The following AKAP6 variants were observed in gnomAD, a reference collection of about 807,000 sequenced individuals.
AKAP6 encodes the protein A-kinase anchor protein 6.
AKAP6 carries 58 observed loss-of-function variants against 188.5 expected under a neutral mutation model. The observed-to-expected ratio is 0.31, with a 90% CI of 0.25 to 0.38. The LOEUF is 0.38. Ranked by LOEUF, AKAP6 falls within the 10% of genes least tolerant of loss-of-function variation. The probability of loss-of-function intolerance (pLI) is 1.00; values close to 1 mark genes in which losing one functional copy is unlikely to be tolerated. For missense variants in AKAP6, 2,710 were observed against 2,740.0 expected (o/e 0.99, Z 0.24); for synonymous variants, 989 against 998.6 (o/e 0.99, Z 0.18).
At chr14:32,723,680 A>G (rs2030689175) in intron 9 of AKAP6, among the ~76,000 whole-genome samples, 1 of 152,046 alleles carries the variant, frequency 6.6e-6, no homozygotes, top group South Asian at 2.1e-4. Context: ...AACTGAGTTA[A>G]GGGTTGCCCC....
intron 5 of AKAP6, among the ~76,000 whole-genome samples, chr14:32,588,418 T>A (rs1885343852): frequency 6.6e-6 from 1 of 152,208 alleles, no homozygotes; most frequent in Non-Finnish European, 1.5e-5. Flanking sequence ...CAATTGAGAG[T>A]TTCCTCCTTG....
At chr14:32,409,983 C>T (rs189163096) in intron 1 of AKAP6, among the ~76,000 whole-genome samples, 4 of 152,178 alleles carry the variant, frequency 2.6e-5, no homozygotes, top group East Asian at 3.9e-4. Context: ...CCCTGTGTAA[C>T]GTGGCCTGCT....
chr14:32,342,134 T>C (rs1403050922), intron 1 of AKAP6, among the ~76,000 whole-genome samples: 1 of 152,218 alleles, frequency 6.6e-6, no homozygotes, highest in Non-Finnish European at 1.5e-5. Flanking sequence ...GATGGCTTCT[T>C]CTATTTCCAT....
chr14:32,540,736 T>C (rs893325915), intron 3 of AKAP6, among the ~76,000 whole-genome samples: 2 of 152,190 alleles, frequency 1.3e-5, no homozygotes, highest in Admixed American at 1.3e-4. Context: ...AACATTAGTA[T>C]TACTAAGCAA....
intron 2 of AKAP6, among the ~76,000 whole-genome samples, chr14:32,452,011 ATTTTTTTTTTTTT>A (rs61035125): frequency 1.2e-4 from 8 of 66,204 alleles, no homozygotes; most frequent in Non-Finnish European, 1.5e-4. Context: ...TTTTCTTTAC[ATTTTTTTTTTTTT>A]TTTTTTTTTT....
chr14:32,470,758 AT>A (rs1369023476), intron 2 of AKAP6, among the ~76,000 whole-genome samples: 1 of 152,230 alleles, frequency 6.6e-6, no homozygotes, highest in Non-Finnish European at 1.5e-5. Flanking sequence ...TTATGAATAA[AT>A]TGGAAAATTT....
At chr14:32,367,938 C>T (rs1173498468) in intron 1 of AKAP6, among the ~76,000 whole-genome samples, 1 of 152,210 alleles carries the variant, frequency 6.6e-6, no homozygotes, top group African/African-American at 2.4e-5. Context: ...AACTCAGTGC[C>T]TCACAGACAA....
At chr14:32,685,809 A>G (rs569080353) in intron 8 of AKAP6, among the ~76,000 whole-genome samples, 3 of 151,976 alleles carry the variant, frequency 2.0e-5, no homozygotes, top group East Asian at 3.9e-4. Context: ...GCGAGGATGT[A>G]AAGCAAAGGG....
chr14:32,720,083 T>A (rs894096382), intron 9 of AKAP6, among the ~76,000 whole-genome samples: 1 of 152,222 alleles, frequency 6.6e-6, no homozygotes, highest in Non-Finnish European at 1.5e-5. Context: ...AGATATGTGG[T>A]AACCTATGAT....
intron 4 of AKAP6, among the ~76,000 whole-genome samples, chr14:32,570,107 T>C (rs879132311): frequency 6.6e-6 from 1 of 150,674 alleles, no homozygotes; most frequent in Admixed American, 6.7e-5. Context: ...ACCCCCTATA[T>C]TGTGACTGTG....
chr14:32,607,228 T>C (rs1484107113), intron 7 of AKAP6, among the ~76,000 whole-genome samples: 1 of 152,236 alleles, frequency 6.6e-6, no homozygotes, highest in Admixed American at 6.5e-5. Context: ...CTGCATTCTT[T>C]TCTTTTCTGG....
At chr14:32,798,183 AC>A (rs141452672) in intron 12 of AKAP6, among the ~76,000 whole-genome samples, 22,434 of 152,228 alleles carry the variant, frequency 0.15, 1,737 homozygotes, top group Middle Eastern at 0.24. Context: ...GCAAATCAAA[AC>A]CACAATGAGA....
At chr14:32,782,574 AAT>A (rs2033284971) in intron 12 of AKAP6, among the ~76,000 whole-genome samples, 1 of 152,196 alleles carries the variant, frequency 6.6e-6, no homozygotes, top group Non-Finnish European at 1.5e-5. Flanking sequence ...ATACAAGATC[AAT>A]ATATAAATGT....
chr14:32,824,428 T>G lies in AKAP6; in HGVS notation c.6615T>G (p.Ala2205=). ...SSEFSDSSLS[A]DDADTVALSS... ...AGTTCAGTGATAGTTCTCTTTCAGC[T>G]GATGATGCAGATACAGTGGCTCTTT... Residue 2205 remains alanine (A), a synonymous_variant, in exon 13 of 14, where the codon GCT becomes GCG. Coordinates refer to ENST00000280979, the MANE Select transcript of AKAP6 (RefSeq NM_004274.5). 1 of 1,613,924 alleles carries G rather than the reference T, an allele frequency of 6.2e-7. No homozygotes were observed. Among genetic ancestry groups the G allele is most frequent in the South Asian group, 1.1e-5 (1 of 91,080 alleles).
intron 2 of AKAP6, among the ~76,000 whole-genome samples, chr14:32,468,903 A>G (rs1299810116): frequency 6.6e-6 from 1 of 152,118 alleles, no homozygotes; most frequent in Non-Finnish European, 1.5e-5. Flanking sequence ...ATCTGTTTTA[A>G]GTGATTATTA....
intron 8 of AKAP6, among the ~76,000 whole-genome samples, chr14:32,694,087 C>T (rs1385566448): frequency 3.3e-5 from 5 of 151,730 alleles, no homozygotes; most frequent in African/African-American, 7.3e-5. Flanking sequence ...TGGGGCCAGG[C>T]GCGGTGGCTC....
chr14:32,628,624 A>G (rs1887125839), intron 7 of AKAP6, among the ~76,000 whole-genome samples: 1 of 152,114 alleles, frequency 6.6e-6, no homozygotes, highest in African/African-American at 2.4e-5. Flanking sequence ...AGGCCTGTTT[A>G]TATGGCTAGA....
intron 2 of AKAP6, among the ~76,000 whole-genome samples, chr14:32,502,079 C>T (rs887616087): frequency 3.3e-5 from 5 of 152,026 alleles, no homozygotes; most frequent in Non-Finnish European, 5.9e-5. Context: ...TTGTTAAGGT[C>T]CTCATCAAGC....
At chr14:32,687,392 TACTA>T (rs1309158719) in intron 8 of AKAP6, among the ~76,000 whole-genome samples, 7 of 142,450 alleles carry the variant, frequency 4.9e-5, no homozygotes, top group Non-Finnish European at 1.1e-4. Context: ...TGCTCTGTCA[TACTA>T]ACTATCTCTC....
Sources: gnomAD v4.1 joint callset for allele counts (sites outside exome capture counted in the v4.1 genomes callset) on GRCh38, gnomAD v4.1.1 for gene constraint, MANE v1.5 for transcripts, NCBI Gene and HGNC (gene_info 2026-07-23, HGNC 2026-07-21) for gene names.